The following GNAL variants were observed in gnomAD, a reference collection of about 807,000 sequenced individuals.
GNAL encodes the protein guanine nucleotide-binding protein G(olf) subunit alpha.
Under a neutral mutation model 55.1 loss-of-function variants are expected in GNAL, and 18 were observed. The ratio of observed to expected loss-of-function variants is 0.33; its 90% CI spans 0.23 to 0.48. The LOEUF (loss-of-function observed/expected upper bound fraction) is 0.48. Ranked by LOEUF, GNAL falls within the 20% of genes least tolerant of loss-of-function variation. The pLI is 0.99. For synonymous variants in GNAL, 253 were observed against 237.0 expected, an observed-to-expected ratio of 1.07 and a Z score of -0.62; for missense variants, 412 against 614.1, an observed-to-expected ratio of 0.67 and a Z score of 3.48.
chr18:11,701,250 C>T (rs538551288), intron 1 of GNAL, among the ~76,000 whole-genome samples: 1 of 152,188 alleles, frequency 6.6e-6, no homozygotes, highest in African/African-American at 2.4e-5. Context: ...TGGGGAGGTA[C>T]AGGGGAGGTA....
chr18:11,689,821 C>A lies in GNAL; in HGVS notation c.258C>A (p.Arg86=). 6.5e-7 allele frequency: 1 copy of A among 1,537,074 alleles called. No homozygotes were observed. Among genetic ancestry groups the A allele is most frequent in the Non-Finnish European group, 8.7e-7 (1 of 1,144,734 alleles). Residue 86 remains arginine (R), a synonymous_variant, in exon 1 of 12, where the codon CGC becomes CGA. Coordinates refer to ENST00000334049, the MANE Select transcript of GNAL (RefSeq NM_182978.4). ...CCGAGCAGCTGAGTGCCGAGGAGCG[C>A]GAGGCGGCCAAGGAGCGCGAGGCGG... ...QRTEQLSAEE[R]EAAKEREAVK...
At chr18:11,850,396 A>G (rs2143776877) in intron 5 of GNAL, among the ~76,000 whole-genome samples, 1 of 152,312 alleles carries the variant, frequency 6.6e-6, no homozygotes, top group African/African-American at 2.4e-5. Flanking sequence ...TCTAAACAGA[A>G]TTCGCTCTCA....
chr18:11,793,911 GAAA>G (rs76942749), intron 4 of GNAL, among the ~76,000 whole-genome samples: 6 of 106,418 alleles, frequency 5.6e-5, no homozygotes, highest in Middle Eastern at 5.3e-3. Context: ...TCCATCTCGG[GAAA>G]AAAAAAAAAA....
intron 4 of GNAL, among the ~76,000 whole-genome samples, chr18:11,814,754 G>A (rs2034909578): frequency 6.6e-6 from 1 of 151,134 alleles, no homozygotes; most frequent in African/African-American, 2.4e-5. Flanking sequence ...AAATTAACTG[G>A]GCATGGGGTG....
intron 4 of GNAL, among the ~76,000 whole-genome samples, chr18:11,773,201 C>T (rs748888588): frequency 2.8e-4 from 42 of 152,230 alleles, no homozygotes; most frequent in Non-Finnish European, 4.6e-4. Flanking sequence ...GCTTGCACGT[C>T]TCATGTCCAC....
intron 4 of GNAL, among the ~76,000 whole-genome samples, chr18:11,787,595 G>A (rs550064419): frequency 4.6e-5 from 7 of 152,268 alleles, no homozygotes; most frequent in Admixed American, 2.0e-4. Flanking sequence ...ATATTTGGCC[G>A]GGCGCGGTGG....
chr18:11,689,534 C>A lies in GNAL; in HGVS notation c.-30C>A. ...CTCGGCGCCCAGCCTGCCCTAGTCC[C>A]GCGCGCCGCCCCCGCTGTGCCGCGC... is the stretch of plus-strand genomic sequence containing the variant. On this transcript the variant is annotated 5_prime_UTR_variant, in exon 1 of 12. Coordinates refer to ENST00000334049, the MANE Select transcript of GNAL (RefSeq NM_182978.4). 3 of 1,132,140 alleles carry A rather than the reference C, an allele frequency of 2.6e-6. No individual in the cohort carries two copies. The highest frequency in any genetic ancestry group is 3.6e-5 in the South Asian group (1 of 27,606). The allele number at this position is 1,132,140 out of a possible 1,614,324, so 70.1% of individuals were successfully genotyped here. A position where few individuals can be genotyped will look rare whatever the true frequency, so the allele number is the denominator to read the frequency against.
chr18:11,850,373 G>C (rs1281853795), intron 5 of GNAL, among the ~76,000 whole-genome samples: 1 of 152,196 alleles, frequency 6.6e-6, no homozygotes, highest in Non-Finnish European at 1.5e-5. Flanking sequence ...CAGGCTGCTA[G>C]ATTAAAATGA....
At chr18:11,785,330 G>A (rs1260751352) in intron 4 of GNAL, among the ~76,000 whole-genome samples, 2 of 152,178 alleles carry the variant, frequency 1.3e-5, no homozygotes, top group Admixed American at 6.5e-5. Flanking sequence ...ATGTGGAATG[G>A]GTGTCCACAA....
At chr18:11,825,227 C>G (rs1786563) in intron 5 of GNAL, among the ~76,000 whole-genome samples, 1 of 152,076 alleles carries the variant, frequency 6.6e-6, no homozygotes, top group South Asian at 2.1e-4. Flanking sequence ...CAGAAAGTTT[C>G]GTTCATTTTG....
Position 11,885,021 on chromosome 18 carries a change from A to G in GNAL, c.*3886A>G, listed in dbSNP as rs1187708299. The G allele has an allele frequency of 3.1e-6, 4 of 1,297,024 alleles. No individual in the cohort carries two copies. The highest frequency in any genetic ancestry group is 2.5e-5 in the South Asian group (2 of 80,828). The allele number at this position is 1,297,024 out of a possible 1,614,324, so 80.3% of individuals were successfully genotyped here. ...GGGAAAGGTGTCTTCCTGCCCCTTG[A>G]TGCTCAACTAAGCATCTGTTCCCTA... On this transcript the variant is annotated 3_prime_UTR_variant, in exon 12 of 12. Coordinates refer to ENST00000334049, the MANE Select transcript of GNAL (RefSeq NM_182978.4).
chr18:11,769,578 G>A (rs2033567921), intron 4 of GNAL, among the ~76,000 whole-genome samples: 1 of 152,190 alleles, frequency 6.6e-6, no homozygotes, highest in African/African-American at 2.4e-5. Flanking sequence ...AGCTTAAAGT[G>A]AATCCACAGT....
rs543230597 is a variant in GNAL at position 11,689,611 on chromosome 18, G to A, written c.48G>A (p.Gly16=). 2.9e-4 allele frequency: 391 copies of A among 1,347,028 alleles called. 2 individuals carry two copies. In the African/African-American group the frequency reaches 5.5e-3, roughly 19 times the overall value. 83.4% of individuals were successfully genotyped at this position (1,347,028 alleles called of 1,614,324 possible). Reference sequence around the variant, plus strand: ...GGCCGCTGCTTTTCGGGGGCCCAGGGGACGACCCCTGCGCGGCCTCGGAGC... The same window carrying A: ...GGCCGCTGCTTTTCGGGGGCCCAGGAGACGACCCCTGCGCGGCCTCGGAGC... The part of the protein sequence containing the change: ...SLRPLLFGGP[G]DDPCAASEPP... Residue 16 remains glycine (G), a synonymous_variant, in exon 1 of 12, where the codon GGG becomes GGA. Transcript: ENST00000334049.
chr18:11,729,402 C>T (rs1199695872), intron 1 of GNAL, among the ~76,000 whole-genome samples: 4 of 152,106 alleles, frequency 2.6e-5, no homozygotes, highest in Admixed American at 6.5e-5. Context: ...TCCCCGGCTT[C>T]CTCTGCCCTT....
chr18:11,792,976 T>C (rs2034277905), intron 4 of GNAL, among the ~76,000 whole-genome samples: 2 of 152,212 alleles, frequency 1.3e-5, no homozygotes, highest in African/African-American at 4.8e-5. Context: ...TAGATTGAAC[T>C]AATTCTAAGA....
chr18:11,690,047 A>G (rs1035944467), intron 1 of GNAL, 108 bp downstream of exon 1: 1 of 545,962 alleles, frequency 1.8e-6, no homozygotes, highest in Non-Finnish European at 2.6e-6. Context: ...CGGCGGCGGG[A>G]GGGGCTCCTG....
At chr18:11,789,629 CT>C (rs1178514212) in intron 4 of GNAL, among the ~76,000 whole-genome samples, 1 of 152,214 alleles carries the variant, frequency 6.6e-6, no homozygotes, top group Non-Finnish European at 1.5e-5. Flanking sequence ...ACAAAATGTA[CT>C]TTAAGTGGAT....
intron 1 of GNAL, among the ~76,000 whole-genome samples, chr18:11,743,314 CAA>C (rs527239039): frequency 1.6e-4 from 19 of 116,330 alleles, no homozygotes; most frequent in East Asian, 2.5e-4. Context: ...CTCACTAATA[CAA>C]AAAAAAAAAA....
chr18:11,737,479 C>T (rs1442404056), intron 1 of GNAL, among the ~76,000 whole-genome samples: 1 of 152,196 alleles, frequency 6.6e-6, no homozygotes. Flanking sequence ...TTCTGAATGT[C>T]TGTTGCACTC....
Sources: gnomAD v4.1 joint callset for allele counts (sites outside exome capture counted in the v4.1 genomes callset) on GRCh38, gnomAD v4.1.1 for gene constraint, MANE v1.5 for transcripts, NCBI Gene and HGNC (gene_info 2026-07-23, HGNC 2026-07-21) for gene names.